Variants in PDK1 observed in about 807,000 individuals in gnomAD.
The protein encoded by PDK1 is [Pyruvate dehydrogenase (acetyl-transferring)] kinase isozyme 1, mitochondrial.
A neutral mutation model predicts 54.2 loss-of-function variants in PDK1; 39 were observed. That is an observed-to-expected ratio of 0.72 (90% CI 0.56 to 0.94). The LOEUF is 0.94. Ranked by LOEUF, PDK1 falls within the 40% of genes least tolerant of loss-of-function variation. The pLI, the probability that PDK1 is intolerant of heterozygous loss-of-function variation, is 0.00. For missense variants in PDK1, 552 were observed against 566.0 expected (o/e 0.98, Z 0.25); for synonymous variants, 221 against 207.1 (o/e 1.07, Z -0.58).
At chr2:172,569,456 T>G (rs1243465827) in intron 7 of PDK1, among the ~76,000 whole-genome samples, 2 of 152,062 alleles carry the variant, frequency 1.3e-5, no homozygotes, top group Non-Finnish European at 2.9e-5. Context: ...AGAAAATGGG[T>G]GAGGAGTGAG....
the PDK1 span, among the ~76,000 whole-genome samples, chr2:172,636,720 CAAAAA>C: frequency 7.9e-6 from 1 of 126,926 alleles, no homozygotes; most frequent in Non-Finnish European, 1.7e-5. Context: ...GACTCCATCT[CAAAAA>C]AAAAAAAAAA....
At chr2:172,653,419 A>G in the PDK1 span, among the ~76,000 whole-genome samples, 2 of 152,086 alleles carry the variant, frequency 1.3e-5, no homozygotes, top group Non-Finnish European at 2.9e-5. Context: ...CCTGGCCAAC[A>G]TGGTGAAACT....
At chr2:172,635,372 A>G in the PDK1 span, among the ~76,000 whole-genome samples, 1 of 152,080 alleles carries the variant, frequency 6.6e-6, no homozygotes, top group Non-Finnish European at 1.5e-5. Context: ...CTGGAGCGCA[A>G]TGGTGCGATC....
the PDK1 span, among the ~76,000 whole-genome samples, chr2:172,678,566 T>C: frequency 6.6e-6 from 1 of 152,214 alleles, no homozygotes; most frequent in African/African-American, 2.4e-5. Flanking sequence ...TAGATTAACA[T>C]TGCCTAATGC....
At chr2:172,684,230 G>A in the PDK1 span, among the ~76,000 whole-genome samples, 8 of 152,276 alleles carry the variant, frequency 5.3e-5, no homozygotes, top group Non-Finnish European at 5.9e-5. Flanking sequence ...AGACCAGCCT[G>A]AGAAACATGG....
At chr2:172,670,704 G>A in the PDK1 span, among the ~76,000 whole-genome samples, 1 of 152,134 alleles carries the variant, frequency 6.6e-6, no homozygotes, top group African/African-American at 2.4e-5. Context: ...TGCAATGATT[G>A]CAAAACTGAT....
chr2:172,565,427 C>T (rs1207320001), intron 5 of PDK1, among the ~76,000 whole-genome samples: 1 of 152,094 alleles, frequency 6.6e-6, no homozygotes, highest in Non-Finnish European at 1.5e-5. Context: ...CCTCAGCCTC[C>T]CCAGTAGCCG....
At chr2:172,679,802 A>G in the PDK1 span, among the ~76,000 whole-genome samples, 2 of 152,200 alleles carry the variant, frequency 1.3e-5, no homozygotes, top group Non-Finnish European at 2.9e-5. Flanking sequence ...AGAAGGTAAT[A>G]ACTCAGCAGA....
At chr2:172,561,710 A>T (rs1021862570) in intron 2 of PDK1, among the ~76,000 whole-genome samples, 2 of 152,232 alleles carry the variant, frequency 1.3e-5, no homozygotes, top group Non-Finnish European at 2.9e-5. Context: ...TTCAGTTTAA[A>T]AGAACCATGT....
At position 172,556,281 on chromosome 2, in the gene PDK1, G is replaced by A; in HGVS notation, c.131G>A (p.Gly44Asp). Reference sequence around the variant, plus strand: ...CCGGCGTCCGAGCGCGGCGTTCCGGGCCAGGTGGACTTCTACGCGCGCTTC... The same window carrying A: ...CCGGCGTCCGAGCGCGGCGTTCCGGACCAGGTGGACTTCTACGCGCGCTTC... ...SSPASERGVP[G>D]QVDFYARFSP... The change falls in exon 1 of 11, where the codon GGC becomes GAC. Residue 44 changes from glycine to aspartate, a missense_variant. Coordinates refer to ENST00000282077, the MANE Select transcript of PDK1 (RefSeq NM_002610.5). 2.7e-6 allele frequency: 4 copies of A among 1,506,924 alleles called. No homozygotes were observed. Among genetic ancestry groups the A allele is most frequent in the Admixed American group, 2.4e-5 (1 of 42,212 alleles). The allele number at this position is 1,506,924 out of a possible 1,614,324, so 93.3% of individuals were successfully genotyped here.
chr2:172,713,692 C>A, the PDK1 span, among the ~76,000 whole-genome samples: 277 of 152,352 alleles, frequency 1.8e-3, no homozygotes, highest in Admixed American at 6.2e-3. Flanking sequence ...TGTGCCTGTG[C>A]GGACAGGGGG....
intron 4 of PDK1, 88 bp from the exon 5 acceptor site, chr2:172,564,890 G>C (rs1399372434): frequency 7.9e-6 from 8 of 1,009,154 alleles, no homozygotes; most frequent in Non-Finnish European, 1.1e-5. Context: ...TATTTGTTCT[G>C]TTTGGTACAA....
the PDK1 span, among the ~76,000 whole-genome samples, chr2:172,637,217 T>C: frequency 6.6e-6 from 1 of 152,330 alleles, no homozygotes; most frequent in Non-Finnish European, 1.5e-5. Context: ...GTTCCCACTT[T>C]GACCTGTTCT....
chr2:172,587,824 A>T (rs181979859), intron 9 of PDK1, among the ~76,000 whole-genome samples: 1 of 152,150 alleles, frequency 6.6e-6, no homozygotes, highest in African/African-American at 2.4e-5. Context: ...CTAGACACAG[A>T]GTGCTGATTG....
At chr2:172,691,369 C>G in the PDK1 span, 1 of 150,410 alleles carries the variant, frequency 6.6e-6, no homozygotes, top group Non-Finnish European at 1.5e-5. Flanking sequence ...GCCCACAAAC[C>G]TTGTTAGGAC....
At chr2:172,678,041 C>T in the PDK1 span, among the ~76,000 whole-genome samples, 22 of 152,084 alleles carry the variant, frequency 1.4e-4, no homozygotes, top group Admixed American at 5.2e-4. Context: ...TGGTGGTGGG[C>T]GCCTGTAAAT....
intron 8 of PDK1, among the ~76,000 whole-genome samples, 154 bp downstream of exon 8, chr2:172,570,978 T>C (rs991823085): frequency 9.9e-5 from 15 of 152,138 alleles, no homozygotes; most frequent in African/African-American, 3.6e-4. Flanking sequence ...CATTGCTTCA[T>C]TGAGCTGGTG....
At chr2:172,717,050 G>T in the PDK1 span, among the ~76,000 whole-genome samples, 3 of 152,184 alleles carry the variant, frequency 2.0e-5, no homozygotes, top group Non-Finnish European at 4.4e-5. Context: ...CCAGTGATCT[G>T]CACTTCCTGT....
upstream of PDK1, chr2:172,555,861 C>G: frequency 3.4e-6 from 1 of 293,068 alleles, no homozygotes; most frequent in East Asian, 6.0e-5. Flanking sequence ...GGGATCTGGG[C>G]GGCGGCTGCG....
Sources: gnomAD v4.1 joint callset for allele counts (sites outside exome capture counted in the v4.1 genomes callset) on GRCh38, gnomAD v4.1.1 for gene constraint, MANE v1.5 for transcripts, NCBI Gene and HGNC (gene_info 2026-07-23, HGNC 2026-07-21) for gene names.